DENND5B: variants seen among roughly 807,000 people sequenced by gnomAD.
DENND5B encodes the protein DENN domain containing 5B.
In DENND5B, 34 loss-of-function variants were observed where a neutral mutation model predicts 140.6. That is an observed-to-expected ratio of 0.24 (90% CI 0.18 to 0.32). The LOEUF (loss-of-function observed/expected upper bound fraction) is 0.32, where lower values mean the gene tolerates loss of function less well. Ranked by LOEUF, DENND5B falls within the 10% of genes least tolerant of loss-of-function variation. The probability of loss-of-function intolerance (pLI) is 1.00; values close to 1 mark genes in which losing one functional copy is unlikely to be tolerated. For missense variants in DENND5B, 1,142 were observed against 1,560.2 expected (o/e 0.73, Z 4.52); for synonymous variants, 551 against 562.1 (o/e 0.98, Z 0.28).
intron 8 of DENND5B, among the ~76,000 whole-genome samples, chr12:31,427,940 C>A (rs571181008): frequency 6.6e-6 from 1 of 152,244 alleles, no homozygotes; most frequent in East Asian, 1.9e-4. Context: ...AGAAAATAAT[C>A]TGCTAAGTCT....
chr12:31,386,642 G>GA lies in DENND5B; in HGVS notation c.*960dup, dbSNP rs1423533915. 1 of 152,232 alleles carries GA rather than the reference G, an allele frequency of 6.6e-6. No individual in the cohort carries two copies. The highest frequency in any genetic ancestry group is 2.4e-5 in the African/African-American group (1 of 41,450). 9.4% of individuals were successfully genotyped at this position (152,232 alleles called of 1,614,324 possible). On this transcript the variant is annotated 3_prime_UTR_variant, in exon 21 of 21. Transcript: ENST00000389082. The stretch of plus-strand genomic sequence containing the variant: ...ACATTCCTTCCATTTCCCGAGGGGG[G>GA]ATGGGCCCTGGAGAGGTGGGTGATT...
At chr12:31,467,741 G>A (rs1223329951) in intron 3 of DENND5B, among the ~76,000 whole-genome samples, 1 of 152,186 alleles carries the variant, frequency 6.6e-6, no homozygotes, top group Non-Finnish European at 1.5e-5. Context: ...GCCACAATGG[G>A]CATGGAGTTA....
chr12:31,459,481 G>T (rs955803997), intron 4 of DENND5B, among the ~76,000 whole-genome samples: 1 of 151,974 alleles, frequency 6.6e-6, no homozygotes, highest in African/African-American at 2.4e-5. Flanking sequence ...AGTAGAGATG[G>T]GTTTCATCAT....
At chr12:31,462,200 G>A (rs1404410573) in intron 3 of DENND5B, among the ~76,000 whole-genome samples, 4 of 152,098 alleles carry the variant, frequency 2.6e-5, no homozygotes, top group Non-Finnish European at 4.4e-5. Flanking sequence ...TACAGCCAAG[G>A]CCCACTGAAG....
At chr12:31,409,145 A>C in intron 14 of DENND5B, 118 bp downstream of exon 14, 1 of 1,115,670 alleles carries the variant, frequency 9.0e-7, no homozygotes, top group Non-Finnish European at 1.2e-6. Flanking sequence ...CTAAACAGAG[A>C]CCTGGGCGTA....
Position 31,382,668 on chromosome 12 carries a change from C to G in DENND5B, c.*4935G>C, listed in dbSNP as rs1940680613. ...ACAAATATGATTCCCTCCTACATAA[C>G]CCAAGGATACCCTGGATCCCTTCGA... On this transcript the variant is annotated 3_prime_UTR_variant, in exon 21 of 21. Coordinates refer to ENST00000389082, the MANE Select transcript of DENND5B (RefSeq NM_144973.4). 6.6e-6 allele frequency: 1 copy of G among 151,846 alleles called. No homozygotes were observed. Among genetic ancestry groups the G allele is most frequent in the African/African-American group, 2.4e-5 (1 of 41,392 alleles). 9.4% of individuals were successfully genotyped at this position (151,846 alleles called of 1,614,324 possible).
At chr12:31,549,147 G>A (rs769973085) in intron 1 of DENND5B, among the ~76,000 whole-genome samples, 13 of 152,102 alleles carry the variant, frequency 8.5e-5, no homozygotes, top group Admixed American at 8.5e-4. Flanking sequence ...TGATCCTTCC[G>A]AGTGGACCTC....
intron 14 of DENND5B, among the ~76,000 whole-genome samples, chr12:31,407,675 A>G (rs1433584656): frequency 2.6e-5 from 4 of 151,930 alleles, no homozygotes; most frequent in African/African-American, 9.7e-5. Context: ...CCTCCTTGGC[A>G]CTCTCTCCTT....
intron 5 of DENND5B, 192 bp downstream of exon 5, chr12:31,451,748 C>G: frequency 1.7e-6 from 1 of 601,968 alleles, no homozygotes; most frequent in Non-Finnish European, 2.8e-6. Flanking sequence ...ATTATTTTAT[C>G]TAATGTAAAA....
chr12:31,581,123 C>A (rs1784635377), intron 1 of DENND5B, among the ~76,000 whole-genome samples: 1 of 151,730 alleles, frequency 6.6e-6, no homozygotes, highest in Non-Finnish European at 1.5e-5. Context: ...TATAAATAAA[C>A]AAATAAATGT....
chr12:31,586,048 C>A (rs758107204), intron 1 of DENND5B, among the ~76,000 whole-genome samples: 3 of 152,154 alleles, frequency 2.0e-5, no homozygotes, highest in Non-Finnish European at 4.4e-5. Context: ...TCTTAGAGGG[C>A]TTGTATATTT....
chr12:31,573,908 T>C (rs1290702656), intron 1 of DENND5B, among the ~76,000 whole-genome samples: 1 of 151,022 alleles, frequency 6.6e-6, no homozygotes, highest in Non-Finnish European at 1.5e-5. Context: ...TGAGCTATGA[T>C]GGCCTGTTAA....
chr12:31,471,474 T>A (rs1458900736), intron 3 of DENND5B, among the ~76,000 whole-genome samples: 1 of 148,358 alleles, frequency 6.7e-6, no homozygotes, highest in Non-Finnish European at 1.5e-5. Context: ...TTTTTTTTTT[T>A]TTTTTTTGTA....
chr12:31,590,783 G>A lies in DENND5B; in HGVS notation c.50C>T (p.Ala17Val). The change falls in exon 1 of 21, where the codon GCC becomes GTC. Residue 17 changes from alanine to valine, a missense_variant. Ala to Val is a moderately conservative substitution (Grantham distance 64). Coordinates refer to ENST00000389082, the MANE Select transcript of DENND5B (RefSeq NM_144973.4). Reference protein sequence around the residue: ...APGPGSGSSPAACRFAHYFVL... With the variant: ...APGPGSGSSPVACRFAHYFVL... ...GAAGTAGTGCGCGAAGCGGCAGGCG[G>A]CCGGGGAGGAGCCCGAGCCCGGGCC... The A allele has an allele frequency of 2.2e-6, 3 of 1,375,372 alleles. No homozygotes were observed. Among genetic ancestry groups the A allele is most frequent in the Middle Eastern group, 2.7e-4 (1 of 3,768 alleles). The allele number at this position is 1,375,372 out of a possible 1,614,324, so 85.2% of individuals were successfully genotyped here.
chr12:31,415,524 C>A lies in DENND5B; in HGVS notation c.2471-76G>T, dbSNP rs1302425038. 1.4e-5 allele frequency: 17 copies of A among 1,219,434 alleles called. No homozygotes were observed. The East Asian group carries it at 4.0e-4, about 28-fold the overall frequency. 75.5% of individuals were successfully genotyped at this position (1,219,434 alleles called of 1,614,324 possible). On this transcript the variant is annotated intron_variant, in intron 11 of 20. Coordinates refer to ENST00000389082, the MANE Select transcript of DENND5B (RefSeq NM_144973.4). ...ATGGTTCATATTAAATACTTTGAAACTGCTTCGATAAGAACAAATTTTAAC... is the reference window on the plus strand; with the variant it reads ...ATGGTTCATATTAAATACTTTGAAAATGCTTCGATAAGAACAAATTTTAAC...
At chr12:31,482,103 T>C (rs1946093409) in intron 2 of DENND5B, among the ~76,000 whole-genome samples, 1 of 152,186 alleles carries the variant, frequency 6.6e-6, no homozygotes, top group Non-Finnish European at 1.5e-5. Flanking sequence ...CGGGTGGGTG[T>C]CCAAACTGCT....
At chr12:31,473,561 G>T (rs1036869902) in intron 3 of DENND5B, among the ~76,000 whole-genome samples, 1 of 152,170 alleles carries the variant, frequency 6.6e-6, no homozygotes, top group African/African-American at 2.4e-5. Context: ...CTCTGTATGT[G>T]GAGTGTGGGC....
chr12:31,513,921 T>C (rs893275335), intron 1 of DENND5B, among the ~76,000 whole-genome samples: 3 of 151,886 alleles, frequency 2.0e-5, no homozygotes, highest in Non-Finnish European at 4.4e-5. Flanking sequence ...CATGGTAACC[T>C]TGAACTCCTG....
At chr12:31,487,940 T>C (rs1369964439) in intron 2 of DENND5B, among the ~76,000 whole-genome samples, 2 of 152,178 alleles carry the variant, frequency 1.3e-5, no homozygotes, top group African/African-American at 4.8e-5. Flanking sequence ...GTTCACCTCT[T>C]GATCTGGTCT....
Sources: allele counts gnomAD v4.1 joint callset (sites outside exome capture counted in the v4.1 genomes callset), GRCh38; gene constraint gnomAD v4.1.1; transcripts MANE v1.5; gene names NCBI Gene and HGNC (gene_info 2026-07-23, HGNC 2026-07-21).